The following CCDC3 variants were observed in gnomAD, a reference collection of about 807,000 sequenced individuals.
CCDC3 encodes coiled-coil domain containing 3, also known as coiled-coil domain-containing protein 3.
In CCDC3, 24 loss-of-function variants were observed where a neutral mutation model predicts 21.4. The ratio of observed to expected loss-of-function variants is 1.12; its 90% CI spans 0.81 to 1.58. The LOEUF is 1.58. Ranked by LOEUF, CCDC3 falls within the 40% of genes most tolerant of loss-of-function variation. CCDC3 has a pLI of 0.00. For missense variants in CCDC3, 425 were observed against 360.9 expected (o/e 1.18, Z -1.44); for synonymous variants, 186 against 166.0 (o/e 1.12, Z -0.93).
At chr10:12,970,134 G>A (rs575314945) in intron 2 of CCDC3, among the ~76,000 whole-genome samples, 4 of 152,224 alleles carry the variant, frequency 2.6e-5, no homozygotes, top group Non-Finnish European at 5.9e-5. Context: ...AAAGTTACAG[G>A]AAGGGGTGAG....
intron 5 of CCDC3, among the ~76,000 whole-genome samples, chr10:13,028,934 T>C (rs1283850343): frequency 2.0e-5 from 3 of 152,176 alleles, no homozygotes; most frequent in Non-Finnish European, 4.4e-5. Context: ...CCATAGCACC[T>C]GCAAAATGAC....
chr10:12,903,650 C>T (rs1834126485), intron 2 of CCDC3, among the ~76,000 whole-genome samples: 1 of 152,204 alleles, frequency 6.6e-6, no homozygotes. Flanking sequence ...TGCTTGGGTA[C>T]CTCTGGCATT....
intron 2 of CCDC3, among the ~76,000 whole-genome samples, chr10:12,985,227 T>A (rs905695646): frequency 6.6e-6 from 1 of 152,148 alleles, no homozygotes; most frequent in East Asian, 1.9e-4. Flanking sequence ...CATAATGAGA[T>A]AGCACTGCAC....
chr10:12,952,798 C>A (rs1835026286), intron 2 of CCDC3, among the ~76,000 whole-genome samples: 1 of 152,172 alleles, frequency 6.6e-6, no homozygotes, highest in Non-Finnish European at 1.5e-5. Context: ...TCACCACATG[C>A]CCTTAACCTC....
chr10:12,962,895 T>C (rs1390006869), intron 2 of CCDC3, among the ~76,000 whole-genome samples: 1 of 152,218 alleles, frequency 6.6e-6, no homozygotes, highest in Admixed American at 6.5e-5. Context: ...TTTCCTTCTT[T>C]TTGGCTAGGG....
At chr10:13,044,722 G>A (rs570943251) in intron 5 of CCDC3, among the ~76,000 whole-genome samples, 33 of 152,140 alleles carry the variant, frequency 2.2e-4, no homozygotes, top group Non-Finnish European at 4.3e-4. Flanking sequence ...TTTTGTACCA[G>A]TACTATGCAG....
intron 2 of CCDC3, among the ~76,000 whole-genome samples, chr10:12,925,831 C>G (rs574472039): frequency 6.6e-6 from 1 of 152,338 alleles, no homozygotes; most frequent in Admixed American, 6.5e-5. Context: ...ATTGTGATAC[C>G]CAGGGCTGAA....
chr10:12,976,405 T>G (rs149029118), intron 2 of CCDC3, among the ~76,000 whole-genome samples: 2 of 152,220 alleles, frequency 1.3e-5, no homozygotes, highest in African/African-American at 4.8e-5. Context: ...TCCAACAGCA[T>G]CTGGTACAAT....
intron 3 of CCDC3, among the ~76,000 whole-genome samples, chr10:13,089,735 G>C (rs1837157943): frequency 6.6e-6 from 1 of 151,188 alleles, no homozygotes; most frequent in Non-Finnish European, 1.5e-5. Flanking sequence ...TGGTTACAGG[G>C]ATAAGTTTTT....
chr10:13,003,396 A>C (rs1835889674), upstream of CCDC3, among the ~76,000 whole-genome samples: 1 of 152,256 alleles, frequency 6.6e-6, no homozygotes, highest in Non-Finnish European at 1.5e-5. Context: ...AAGTTGACCA[A>C]GCTAGGATTC....
At chr10:13,033,551 G>T (rs1310028400) in intron 5 of CCDC3, among the ~76,000 whole-genome samples, 1 of 152,100 alleles carries the variant, frequency 6.6e-6, no homozygotes, top group Non-Finnish European at 1.5e-5. Context: ...AGAGTGAACA[G>T]GCAACCTACA....
chr10:13,002,480 C>G (rs1230439196), upstream of CCDC3, among the ~76,000 whole-genome samples: 1 of 152,076 alleles, frequency 6.6e-6, no homozygotes, highest in Non-Finnish European at 1.5e-5. Context: ...CTCGACCTCC[C>G]CTGGGCTCAG....
chr10:13,016,852 G>C (rs1836068664), intron 5 of CCDC3, among the ~76,000 whole-genome samples: 1 of 152,086 alleles, frequency 6.6e-6, no homozygotes, highest in Non-Finnish European at 1.5e-5. Context: ...CCTAGCACAT[G>C]TAAGCACTGT....
intron 2 of CCDC3, among the ~76,000 whole-genome samples, chr10:12,914,852 CTCATT>C (rs899203866): frequency 1.1e-4 from 17 of 152,048 alleles, no homozygotes; most frequent in African/African-American, 4.1e-4. Flanking sequence ...TTTCTACTCT[CTCATT>C]TATTATTATT....
intron 2 of CCDC3, among the ~76,000 whole-genome samples, chr10:12,955,989 T>G (rs928242714): frequency 1.3e-5 from 2 of 152,126 alleles, no homozygotes; most frequent in East Asian, 3.9e-4. Context: ...ATTACAGATG[T>G]CAGCCACAGT....
At chr10:12,935,059 T>C (rs1834714984) in intron 2 of CCDC3, among the ~76,000 whole-genome samples, 1 of 151,474 alleles carries the variant, frequency 6.6e-6, no homozygotes, top group Non-Finnish European at 1.5e-5. Context: ...CTACCAAACC[T>C]GGCTTTTTTT....
At chr10:13,006,592 C>A (rs777770201), upstream of CCDC3, among the ~76,000 whole-genome samples, 15 of 152,172 alleles carry the variant, frequency 9.9e-5, no homozygotes, top group Non-Finnish European at 1.8e-4. Context: ...GTTCTAGGAG[C>A]TTCTGCTTAG....
Position 13,035,609 on chromosome 10 carries a change from T to A in CCDC3, c.-2+14065A>T, listed in dbSNP as rs191135127. Among the ~76,000 whole-genome samples the A allele has an allele frequency of 5.3e-5, 8 of 152,328 alleles. No individual in the cohort carries two copies. In the East Asian group the frequency reaches 1.5e-3, roughly 29 times the overall value. ...TCCATTGAACCAACCATGTTCTGCTTGTTTAATTCATGTTAAGGGAAGAAC... is the reference window on the plus strand; with the variant it reads ...TCCATTGAACCAACCATGTTCTGCTAGTTTAATTCATGTTAAGGGAAGAAC... On this transcript the variant is annotated intron_variant, in intron 5 of 6. Coordinates refer to the CCDC3 transcript ENST00000378839.
chr10:13,007,969 G>A (rs1835943881), intron 5 of CCDC3, among the ~76,000 whole-genome samples: 1 of 152,168 alleles, frequency 6.6e-6, no homozygotes, highest in African/African-American at 2.4e-5. Flanking sequence ...TCCTACTGCA[G>A]GTGTGAACCA....
Sources: allele counts gnomAD v4.1 joint callset (sites outside exome capture counted in the v4.1 genomes callset), GRCh38; gene constraint gnomAD v4.1.1; transcripts MANE v1.5; gene names NCBI Gene and HGNC (gene_info 2026-07-23, HGNC 2026-07-21).